TLE6: variants seen among roughly 807,000 people sequenced by gnomAD.
The protein encoded by TLE6 is TLE family member 6, subcortical maternal complex member, also known as transducin-like enhancer protein 6.
A neutral mutation model predicts 77.1 loss-of-function variants in TLE6; 72 were observed. The observed-to-expected ratio is 0.93, with a 90% CI of 0.77 to 1.14. TLE6 has a LOEUF of 1.14. Among genes scored for constraint, TLE6 ranks in the 50% most tolerant of loss-of-function variants. The pLI, the probability that TLE6 is intolerant of heterozygous loss-of-function variation, is 0.00. For missense variants in TLE6, 843 were observed against 747.6 expected (o/e 1.13, Z -1.49); for synonymous variants, 366 against 287.3 (o/e 1.27, Z -2.77).
At chr19:2,979,711 C>T (rs1029757586) in intron 2 of TLE6, among the ~76,000 whole-genome samples, 6 of 146,920 alleles carry the variant, frequency 4.1e-5, no homozygotes, top group East Asian at 4.1e-4. Flanking sequence ...GAGGCCGAGG[C>T]GGGTAGATCA....
At chr19:2,993,186 C>G (rs547286993) in intron 14 of TLE6, among the ~76,000 whole-genome samples, 1 of 152,078 alleles carries the variant, frequency 6.6e-6, no homozygotes, top group East Asian at 1.9e-4. Flanking sequence ...TACTCCAGCC[C>G]GGCAACAGAG....
At position 2,987,117 on chromosome 19, in the gene TLE6, T is replaced by C. The variant is rs1231316953; in HGVS notation, c.420T>C (p.Asn140=). Residue 140 remains asparagine (N), a synonymous_variant, in exon 7 of 17, where the codon AAT becomes AAC. Coordinates refer to ENST00000246112, the MANE Select transcript of TLE6 (RefSeq NM_001143986.2). ...TCCGGCGGCCTTTGGGGGAGGACAA[T>C]CAGCCGGAGACCCAGCTGTTCTGGG... ...DWLRRPLGED[N]QPETQLFWDK... 1 of 1,614,084 alleles carries C rather than the reference T, an allele frequency of 6.2e-7. No homozygotes were observed. The highest frequency in any genetic ancestry group is 8.5e-7 in the Non-Finnish European group (1 of 1,180,020).
At position 2,994,526 on chromosome 19, in the gene TLE6, C is replaced by T. The variant is rs1032954580; in HGVS notation, c.1615-374C>T. ...TTGGGAGGCTGAGGCAGGAGAATGG[C>T]GTGAGCCAGGGAGGCGGAGCTTGCA... is the stretch of plus-strand genomic sequence containing the variant. On this transcript the variant is annotated intron_variant, in intron 16 of 16. Coordinates refer to ENST00000246112, the MANE Select transcript of TLE6 (RefSeq NM_001143986.2). 1.2e-4 allele frequency among the ~76,000 whole-genome samples: 18 copies of T among 151,928 alleles called. No individual in the cohort carries two copies. In the East Asian group the frequency reaches 2.3e-3, roughly 20 times the overall value.
intron 5 of TLE6, among the ~76,000 whole-genome samples, chr19:2,984,954 T>G (rs2088877230): frequency 6.6e-6 from 1 of 152,042 alleles, no homozygotes; most frequent in African/African-American, 2.4e-5. Flanking sequence ...TTTGTTCGTT[T>G]TAAATAAAAC....
At chr19:2,978,428 G>C (rs1478406728) in intron 2 of TLE6, 144 bp downstream of exon 2, 1 of 777,238 alleles carries the variant, frequency 1.3e-6, no homozygotes, top group East Asian at 2.7e-5. Context: ...ACTCAAGACA[G>C]GTGCCAAGGA....
intron 3 of TLE6, 183 bp downstream of exon 3, chr19:2,980,365 C>G: frequency 2.3e-6 from 1 of 429,798 alleles, no homozygotes; most frequent in Non-Finnish European, 4.2e-6. Context: ...TTTGATTAAA[C>G]AAAATTACCA....
intron 5 of TLE6, chr19:2,984,334 C>T (rs1236180378): frequency 1.5e-5 from 2 of 135,634 alleles, no homozygotes; most frequent in African/African-American, 3.1e-5. Flanking sequence ...AGGCATCAGC[C>T]TGGAGTCCCC....
Position 2,994,056 on chromosome 19 carries a change from T to C in TLE6, c.1575T>C (p.Leu525=). 1 of 1,608,854 alleles carries C rather than the reference T, an allele frequency of 6.2e-7. No individual in the cohort carries two copies. The highest frequency in any genetic ancestry group is 8.5e-7 in the Non-Finnish European group (1 of 1,178,210). ...CAAGCGTTGGAATGGACGACTTCCT[T>C]GGCGTCTACAGCATGCCGGCGGGGA... The part of the protein sequence containing the change: ...WWASVGMDDF[L]GVYSMPAGTK... The change falls in exon 16 of 17, where the codon CTT becomes CTC. Residue 525 remains leucine, a synonymous_variant. Transcript: ENST00000246112.
intron 5 of TLE6, among the ~76,000 whole-genome samples, chr19:2,985,651 C>T (rs1174616514): frequency 6.7e-6 from 1 of 148,930 alleles, no homozygotes; most frequent in Non-Finnish European, 1.5e-5. Flanking sequence ...AATCTCCTGA[C>T]CTCATGATCC....
chr19:2,985,949 C>A (rs1023998055), intron 5 of TLE6, among the ~76,000 whole-genome samples: 7 of 150,736 alleles, frequency 4.6e-5, no homozygotes, highest in African/African-American at 1.7e-4. Context: ...GTGGCACACG[C>A]CTGTAATCCA....
intron 2 of TLE6, 147 bp from the exon 3 acceptor site, chr19:2,979,953 G>A (rs2088762348): frequency 2.1e-6 from 1 of 470,642 alleles, no homozygotes; most frequent in African/African-American, 2.3e-5. Context: ...GACAGAGCAA[G>A]ACTCGGTTTC....
intron 14 of TLE6, among the ~76,000 whole-genome samples, chr19:2,992,528 T>A (rs1369677149): frequency 6.6e-6 from 1 of 151,900 alleles, no homozygotes; most frequent in Non-Finnish European, 1.5e-5. Context: ...CCCACCACTT[T>A]GGGAGGCAGA....
intron 14 of TLE6, among the ~76,000 whole-genome samples, chr19:2,992,599 T>G (rs2089095035): frequency 6.6e-6 from 1 of 151,500 alleles, no homozygotes; most frequent in Non-Finnish European, 1.5e-5. Context: ...AGTGAGACCC[T>G]GTTTCTACAA....
At chr19:2,980,581 CA>C (rs1205859568) in intron 3 of TLE6, among the ~76,000 whole-genome samples, 2 of 149,920 alleles carry the variant, frequency 1.3e-5, no homozygotes, top group Non-Finnish European at 3.0e-5. Context: ...ACAAAAAATA[CA>C]AAAATCAGCC....
At chr19:2,990,583 G>C (rs1896941530) in intron 13 of TLE6, among the ~76,000 whole-genome samples, 1 of 149,158 alleles carries the variant, frequency 6.7e-6, no homozygotes, top group African/African-American at 2.5e-5. Context: ...CCCAGCCTGG[G>C]CGACAGAGCA....
At chr19:2,978,141 C>A (rs2088716190) in intron 1 of TLE6, 57 bp from the exon 2 acceptor site, 7 of 1,380,462 alleles carry the variant, frequency 5.1e-6, no homozygotes, top group Non-Finnish European at 7.0e-6. Context: ...TGCCTTGCTT[C>A]CCTGGCACTG....
chr19:2,994,780 G>C, intron 16 of TLE6, 120 bp from the exon 17 acceptor site: 1 of 581,476 alleles, frequency 1.7e-6, no homozygotes. Flanking sequence ...CTCCAGCCTG[G>C]GCAACAGAGC....
rs532579208 is a variant in TLE6, at chr19:2,995,052, C to G, written c.*48C>G. On this transcript the variant is annotated 3_prime_UTR_variant, in exon 17 of 17. Coordinates refer to ENST00000246112, the MANE Select transcript of TLE6 (RefSeq NM_001143986.2). Reference sequence around the variant, plus strand: ...ACTCCGGCTCCTCTTTTCATCCCCCCCCTTCCCCCCCCCCAACAAGGGGGA... The same window carrying G: ...ACTCCGGCTCCTCTTTTCATCCCCCGCCTTCCCCCCCCCCAACAAGGGGGA... The G allele has an allele frequency of 5.4e-6, 6 of 1,113,572 alleles. No individual in the cohort carries two copies. Among genetic ancestry groups the G allele is most frequent in the East Asian group, 5.4e-5 (2 of 37,176 alleles). The allele number at this position is 1,113,572 out of a possible 1,614,324, so 69.0% of individuals were successfully genotyped here.
intron 13 of TLE6, 127 bp from the exon 14 acceptor site, chr19:2,991,716 C>T (rs2089069432): frequency 1.2e-6 from 1 of 848,710 alleles, no homozygotes; most frequent in South Asian, 1.8e-5. Flanking sequence ...CTTTGACACT[C>T]TGTGCAGGCA....
Sources: gnomAD v4.1 joint callset for allele counts (sites outside exome capture counted in the v4.1 genomes callset) on GRCh38, gnomAD v4.1.1 for gene constraint, MANE v1.5 for transcripts, NCBI Gene and HGNC (gene_info 2026-07-23, HGNC 2026-07-21) for gene names.